Variants in BICRAL observed in about 807,000 individuals in gnomAD.
BICRAL encodes the protein BICRA like chromatin remodeling complex associated protein.
In BICRAL, 8 loss-of-function variants were observed where a neutral mutation model predicts 91.8. The ratio of observed to expected loss-of-function variants is 0.09; its 90% CI spans 0.05 to 0.16. The LOEUF (loss-of-function observed/expected upper bound fraction) is 0.16. Among genes scored for constraint, BICRAL ranks in the 10% least tolerant of loss-of-function variants. BICRAL has a pLI of 1.00. For synonymous variants in BICRAL, 445 were observed against 491.1 expected, an observed-to-expected ratio of 0.91 and a Z score of 1.24; for missense variants, 1,038 against 1,310.9, an observed-to-expected ratio of 0.79 and a Z score of 3.21.
At chr6:42,792,108 T>C (rs959534095) in intron 1 of BICRAL, among the ~76,000 whole-genome samples, 2 of 152,138 alleles carry the variant, frequency 1.3e-5, no homozygotes, top group Non-Finnish European at 2.9e-5. Context: ...GGACTGGAAG[T>C]TGGTCTGGGT....
chr6:42,778,199 C>T (rs1263420912), upstream of BICRAL, among the ~76,000 whole-genome samples: 1 of 152,202 alleles, frequency 6.6e-6, no homozygotes, highest in East Asian at 1.9e-4. Context: ...CAAAGTAGGT[C>T]TTTACTAATT....
In BICRAL at chr6:42,829,264, A is replaced by C. The variant is rs768710395; in HGVS notation, c.931A>C (p.Ile311Leu). 2.5e-6 allele frequency: 4 copies of C among 1,614,092 alleles called. No individual in the cohort carries two copies. The highest frequency in any genetic ancestry group is 3.4e-6 in the Non-Finnish European group (4 of 1,180,014). The part of the protein sequence containing the change: ...GLAPNSNKVP[I>L]NIQPKPIQMG... ...TGCACCAAATTCAAATAAAGTCCCA[A>C]TTAATATACAGCCAAAGCCTATCCA... is the stretch of plus-strand genomic sequence containing the variant. The change falls in exon 6 of 13, where the codon ATT becomes CTT. Residue 311 changes from isoleucine (I) to leucine (L), a missense_variant. Ile to Leu is a conservative substitution (Grantham distance 5, BLOSUM62 2). Coordinates refer to ENST00000314073, the MANE Select transcript of BICRAL (RefSeq NM_001393499.1).
chr6:42,839,414 G>C (rs1764725290), intron 6 of BICRAL, among the ~76,000 whole-genome samples: 1 of 152,018 alleles, frequency 6.6e-6, no homozygotes, highest in Non-Finnish European at 1.5e-5. Flanking sequence ...AAAGTGCTAG[G>C]ATTACAGATG....
intron 10 of BICRAL, 73 bp downstream of exon 10, chr6:42,857,309 A>G: frequency 8.0e-7 from 1 of 1,250,974 alleles, no homozygotes; most frequent in Non-Finnish European, 1.1e-6. Flanking sequence ...CAGAAAAGCA[A>G]GAGCCACATC....
chr6:42,802,145 A>G (rs1763592001), intron 1 of BICRAL, among the ~76,000 whole-genome samples: 1 of 151,584 alleles, frequency 6.6e-6, no homozygotes, highest in African/African-American at 2.4e-5. Flanking sequence ...AGTGGCATGC[A>G]CCTTTGTTTT....
At chr6:42,786,783 C>T (rs970997622) in intron 1 of BICRAL, among the ~76,000 whole-genome samples, 1 of 152,098 alleles carries the variant, frequency 6.6e-6, no homozygotes, top group East Asian at 1.9e-4. Flanking sequence ...GCTGGGGAGA[C>T]ATTTCAGACC....
At chr6:42,817,148 ATG>A (rs35347910) in intron 2 of BICRAL, among the ~76,000 whole-genome samples, 65,361 of 148,152 alleles carry the variant, frequency 0.44, 14,927 homozygotes, top group African/African-American at 0.59. Context: ...CATCATTTAT[ATG>A]TGTGTGTGTG....
intron 1 of BICRAL, among the ~76,000 whole-genome samples, chr6:42,796,290 T>A (rs535335221): frequency 1.8e-4 from 27 of 152,116 alleles, no homozygotes; most frequent in Non-Finnish European, 3.5e-4. Context: ...TTGAGCAGAG[T>A]CTTGAATAAG....
intron 1 of BICRAL, among the ~76,000 whole-genome samples, chr6:42,798,791 T>C (rs1763488899): frequency 6.6e-6 from 1 of 152,244 alleles, no homozygotes; most frequent in African/African-American, 2.4e-5. Context: ...AATTTTTATT[T>C]TTTATTACTG....
chr6:42,788,413 G>A (rs572132495), intron 1 of BICRAL, among the ~76,000 whole-genome samples: 8 of 151,862 alleles, frequency 5.3e-5, no homozygotes, highest in Non-Finnish European at 1.2e-4. Flanking sequence ...TAGTAGAGAC[G>A]GGTCCACCAT....
intron 1 of BICRAL, among the ~76,000 whole-genome samples, chr6:42,785,485 G>A (rs1191220052): frequency 1.3e-5 from 2 of 151,562 alleles, no homozygotes; most frequent in Non-Finnish European, 2.9e-5. Flanking sequence ...CACTTGAACT[G>A]GGGAGGCAGA....
At chr6:42,771,484 G>A (rs549528296) in intron 1 of BICRAL, among the ~76,000 whole-genome samples, 1 of 151,940 alleles carries the variant, frequency 6.6e-6, no homozygotes, top group East Asian at 1.9e-4. Context: ...CCACCCCTGT[G>A]GGGGTGGCGG....
Position 42,828,749 on chromosome 6 carries a change from C to G in BICRAL, c.416C>G (p.Ala139Gly). 6.2e-7 allele frequency: 1 copy of G among 1,614,218 alleles called. No homozygotes were observed. The highest frequency in any genetic ancestry group is 2.2e-5 in the East Asian group (1 of 44,884). ...GGTTCAAGCCAACAGTTTGCACAAG[C>G]TCAGCTTCATCCTTCTTCATCAGCA... is the stretch of plus-strand genomic sequence containing the variant. ...SIGSSQQFAQAQLHPSSSASF... is the reference protein window; with the variant it reads ...SIGSSQQFAQGQLHPSSSASF... Residue 139 changes from alanine to glycine, a missense_variant, in exon 6 of 13, where the codon GCT becomes GGT. This residue lies in a region of BICRAL where 532 missense variants were observed against 724.9 expected (regional missense o/e 0.73). Coordinates refer to ENST00000314073, the MANE Select transcript of BICRAL (RefSeq NM_001393499.1).
intron 1 of BICRAL, 75 bp from the exon 2 acceptor site, chr6:42,810,231 A>G (rs1262215605): frequency 6.6e-6 from 1 of 152,216 alleles, no homozygotes. Context: ...CTTAAAGCCA[A>G]TCATGCTGAG....
rs183939786 is a variant in BICRAL at position 42,838,515 on chromosome 6, T to G, written c.1839+8343T>G. 2.1e-3 allele frequency among the ~76,000 whole-genome samples: 327 copies of G among 152,354 alleles called. 4 individuals are homozygous for G. The highest frequency in any genetic ancestry group is 7.5e-3 in the African/African-American group (314 of 41,594). On this transcript the variant is annotated intron_variant, in intron 6 of 12. Coordinates refer to ENST00000314073, the MANE Select transcript of BICRAL (RefSeq NM_001393499.1). ...TCTTGTTCCCTTTGTAAAGAAGAAA[T>G]GATCTCCAGGATAGACCATGTGACT...
chr6:42,788,222 CTT>C (rs11304715), intron 1 of BICRAL, among the ~76,000 whole-genome samples: 1,640 of 113,324 alleles, frequency 0.014, 29 homozygotes, highest in African/African-American at 0.053. Context: ...GAGCAGCATT[CTT>C]TTTTTTTTTT....
chr6:42,842,301 G>A (rs1029830129), intron 6 of BICRAL, among the ~76,000 whole-genome samples: 5 of 152,138 alleles, frequency 3.3e-5, no homozygotes, highest in African/African-American at 1.2e-4. Flanking sequence ...CAACCCTAAC[G>A]CCTCCGAATT....
At chr6:42,808,609 A>G (rs956450109) in intron 1 of BICRAL, among the ~76,000 whole-genome samples, 1 of 152,178 alleles carries the variant, frequency 6.6e-6, no homozygotes, top group East Asian at 1.9e-4. Context: ...GAGCTGGTTA[A>G]GTGAAATGAT....
intron 1 of BICRAL, among the ~76,000 whole-genome samples, chr6:42,753,863 C>G (rs569045530): frequency 2.6e-5 from 4 of 152,188 alleles, no homozygotes; most frequent in Non-Finnish European, 5.9e-5. Context: ...CTGCCCGCCT[C>G]AGCTTCCCAA....
Sources: allele counts gnomAD v4.1 joint callset (sites outside exome capture counted in the v4.1 genomes callset), GRCh38; gene constraint gnomAD v4.1.1; regional missense constraint gnomAD v4.1.1; transcripts MANE v1.5; gene names NCBI Gene and HGNC (gene_info 2026-07-23, HGNC 2026-07-21).